Variants in PGBD5 observed in about 807,000 individuals in gnomAD.
PGBD5 encodes the protein piggyBac transposable element derived 5, also known as piggyBac transposable element-derived protein 5.
PGBD5 carries 14 observed loss-of-function variants against 47.9 expected under a neutral mutation model. The ratio of observed to expected loss-of-function variants is 0.29; its 90% CI spans 0.19 to 0.46. PGBD5 has a LOEUF of 0.46. PGBD5 is among the 20% of genes least tolerant of loss of function. The probability of loss-of-function intolerance (pLI) is 1.00; values close to 1 mark genes in which losing one functional copy is unlikely to be tolerated. For synonymous variants in PGBD5, 316 were observed against 306.3 expected (o/e 1.03, Z -0.33); for missense variants, 635 against 716.0 (o/e 0.89, Z 1.29).
Position 230,357,644 on chromosome 1 carries a change from C to T in PGBD5, c.332-323G>A, listed in dbSNP as rs1000167258. Among the ~76,000 whole-genome samples, 4 of 152,164 alleles carry T rather than the reference C, an allele frequency of 2.6e-5. No homozygotes were observed. The highest frequency in any genetic ancestry group is 9.7e-5 in the African/African-American group (4 of 41,436). On this transcript the variant is annotated intron_variant, in intron 1 of 6. Transcript: ENST00000391860. The surrounding 1 kb of genome is among the most constrained non-coding windows in gnomAD (Gnocchi z 5.7). ...TGCAGCCTGCATCTCCACACCAGAC[C>T]GGAGGACAGCCCTCGGGGGGCGCAG...
intron 4 of PGBD5, among the ~76,000 whole-genome samples, chr1:230,333,761 G>A (rs1667259376): frequency 6.6e-6 from 1 of 152,234 alleles, no homozygotes; most frequent in Non-Finnish European, 1.5e-5. Context: ...GAGGGAGAAG[G>A]AGCTTGAGCT....
intron 2 of PGBD5, among the ~76,000 whole-genome samples, chr1:230,351,597 G>A (rs1384289430): frequency 2.6e-5 from 4 of 152,046 alleles, no homozygotes; most frequent in African/African-American, 9.7e-5. Context: ...TGTCCAGTGA[G>A]AAACAAAGAA....
chr1:230,326,602 G>A (rs1352940342), intron 5 of PGBD5, among the ~76,000 whole-genome samples: 1 of 152,092 alleles, frequency 6.6e-6, no homozygotes, highest in Non-Finnish European at 1.5e-5. Context: ...GGGATCACAG[G>A]TACATGCCAC....
rs1667661823 is a variant in PGBD5 at position 230,357,167 on chromosome 1, C to T, written c.486G>A (p.Val162=). The T allele has an allele frequency of 6.2e-7, 1 of 1,614,180 alleles. No individual in the cohort carries two copies. Among genetic ancestry groups the T allele is most frequent in the Non-Finnish European group, 8.5e-7 (1 of 1,180,028 alleles). Residue 162 remains valine, a synonymous_variant, in exon 2 of 7, where the codon GTG becomes GTA. Transcript: ENST00000391860. The surrounding 1 kb of genome is among the most constrained non-coding windows in gnomAD (Gnocchi z 5.7). ...GGAACGCCTTCATCTCCGTCAGCGT[C>T]ACCTCCACCCAGGCTCCGTCGCTCC... ...RFGSDGAWVE[V]TLTEMKAFLG... is the part of the protein sequence containing the mutation.
chr1:230,361,371 C>T (rs986030108), intron 1 of PGBD5, among the ~76,000 whole-genome samples: 1 of 152,024 alleles, frequency 6.6e-6, no homozygotes, highest in Non-Finnish European at 1.5e-5. Context: ...CTTGGGTGTG[C>T]CTCGGTGTCT....
chr1:230,356,314 G>A (rs539593012), intron 2 of PGBD5, among the ~76,000 whole-genome samples: 2 of 152,146 alleles, frequency 1.3e-5, no homozygotes, highest in Admixed American at 6.5e-5. Flanking sequence ...GAAGGGGCTC[G>A]GGAGCTGAGA....
chr1:230,425,519 C>CACAA lies in PGBD5; in HGVS notation c.331+78_331+79insTTGT. ...AGCCAGCCCACGGAGAGTCTGGACT[C>CACAA]GCCCGCCCCAGCACCCACGCCTCCC... On this transcript the variant is annotated intron_variant, in intron 1 of 6. Transcript: ENST00000391860. This position sits in a 1 kb window ranked among gnomAD's most constrained non-coding sequence, Gnocchi z 4.7. The CACAA allele has an allele frequency of 9.3e-7, 1 of 1,080,228 alleles. No individual in the cohort carries two copies. The highest frequency in any genetic ancestry group is 1.2e-6 in the Non-Finnish European group (1 of 856,936). 66.9% of individuals were successfully genotyped at this position (1,080,228 alleles called of 1,614,324 possible). A position where few individuals can be genotyped will look rare whatever the true frequency, so the allele number is the denominator to read the frequency against.
intron 1 of PGBD5, among the ~76,000 whole-genome samples, chr1:230,404,623 A>ATATATAT (rs1553290456): frequency 1.5e-5 from 2 of 130,916 alleles, no homozygotes; most frequent in African/African-American, 5.8e-5. Flanking sequence ...AAAAAAAAAA[A>ATATATAT]AAAAAAATAT....
rs140912955 is a variant in PGBD5 at position 230,356,718 on chromosome 1, C to T, written c.759+176G>A. Among the ~76,000 whole-genome samples the T allele has an allele frequency of 4.4e-4, 67 of 152,278 alleles. 1 individual carries two copies. In the East Asian group the frequency reaches 0.011, roughly 24 times the overall value. ...TGGAGCTATTATTATTACTCCCCTC[C>T]GATCTCATTTGGATTATGTGGATTA... On this transcript the variant is annotated intron_variant, in intron 2 of 6. Coordinates refer to ENST00000391860, the MANE Select transcript of PGBD5 (RefSeq NM_001258311.2).
chr1:230,329,813 C>T lies in PGBD5; in HGVS notation c.1273+3031G>A, dbSNP rs567204183. Among the ~76,000 whole-genome samples, 137 of 152,292 alleles carry T rather than the reference C, an allele frequency of 9.0e-4. 1 individual carries two copies. Among genetic ancestry groups the T allele is most frequent in the African/African-American group, 3.1e-3 (129 of 41,566 alleles). On this transcript the variant is annotated intron_variant, in intron 5 of 6. Coordinates refer to ENST00000391860, the MANE Select transcript of PGBD5 (RefSeq NM_001258311.2). ...TAGTAGAGGCCCACTTGATGCCATG[C>T]GTCAAAATAAATTTGAAGTGGATTA...
rs1666930780 is a variant in PGBD5, at chr1:230,315,908, ATG to A, written c.*7515_*7516del. 2 of 150,180 alleles carry A rather than the reference ATG, an allele frequency of 1.3e-5. No individual in the cohort carries two copies. Among genetic ancestry groups the A allele is most frequent in the Non-Finnish European group, 3.0e-5 (2 of 67,538 alleles). The allele number at this position is 150,180 out of a possible 1,614,324, so 9.3% of individuals were successfully genotyped here. A position where few individuals can be genotyped will look rare whatever the true frequency, so the allele number is the denominator to read the frequency against. On this transcript the variant is annotated 3_prime_UTR_variant, in exon 7 of 7. Coordinates refer to ENST00000391860, the MANE Select transcript of PGBD5 (RefSeq NM_001258311.2). ...CATACATATTTATGTGTACACATAT[ATG>A]TATATGTGTATATGTGTACACATAT...
intron 1 of PGBD5, among the ~76,000 whole-genome samples, chr1:230,419,678 C>T (rs1352657263): frequency 6.6e-6 from 1 of 152,226 alleles, no homozygotes; most frequent in African/African-American, 2.4e-5. Flanking sequence ...TTCTAATGGA[C>T]TCTCTGGGGT....
In PGBD5 at chr1:230,357,317, G is replaced by T. The variant is rs1209050195; in HGVS notation, c.336C>A (p.Pro112=). The T allele has an allele frequency of 6.2e-7, 1 of 1,612,858 alleles. No individual in the cohort carries two copies. Among genetic ancestry groups the T allele is most frequent in the Non-Finnish European group, 8.5e-7 (1 of 1,179,226 alleles). The part of the protein sequence containing the change: ...PPPRFEDTGG[P]TRKMPPSASA... ...TGGCGCTGGGGGGCATCTTTCGGGT[G>T]GGACCTGAAACCCAAAGACAGGTGG... Residue 112 remains proline, a synonymous_variant, in exon 2 of 7, where the codon CCC becomes CCA. Transcript: ENST00000391860. The surrounding 1 kb of genome is among the most constrained non-coding windows in gnomAD (Gnocchi z 5.7).
At chr1:230,383,238 T>TA (rs201185270) in intron 1 of PGBD5, among the ~76,000 whole-genome samples, 2 of 152,018 alleles carry the variant, frequency 1.3e-5, no homozygotes, top group East Asian at 1.9e-4. Flanking sequence ...CCCAGCTAAT[T>TA]AAAAAAATTT....
At chr1:230,399,406 G>A (rs910578554) in intron 1 of PGBD5, among the ~76,000 whole-genome samples, 4 of 152,176 alleles carry the variant, frequency 2.6e-5, no homozygotes, top group Non-Finnish European at 4.4e-5. Flanking sequence ...GGCCAGGGAT[G>A]CCCTGGAGAG....
At chr1:230,386,435 C>T (rs1272981998) in intron 1 of PGBD5, among the ~76,000 whole-genome samples, 1 of 152,166 alleles carries the variant, frequency 6.6e-6, no homozygotes, top group Non-Finnish European at 1.5e-5. Flanking sequence ...GTCTCTGCCT[C>T]TCTGTCTGGT....
At chr1:230,424,906 A>G (rs564870851) in intron 1 of PGBD5, among the ~76,000 whole-genome samples, 1 of 152,342 alleles carries the variant, frequency 6.6e-6, no homozygotes, top group East Asian at 1.9e-4. Flanking sequence ...TTCTCCAGGT[A>G]TTCGGGGCTT....
At chr1:230,412,520 C>G (rs994590942) in intron 1 of PGBD5, among the ~76,000 whole-genome samples, 5 of 151,694 alleles carry the variant, frequency 3.3e-5, no homozygotes, top group Non-Finnish European at 7.4e-5. Flanking sequence ...TCCCGAGTAG[C>G]TGGGACTACA....
chr1:230,384,835 GTGCTTAACCCAT>G (rs1186016351), intron 1 of PGBD5, among the ~76,000 whole-genome samples: 2 of 152,156 alleles, frequency 1.3e-5, no homozygotes, highest in African/African-American at 4.8e-5. Context: ...CCTTTTAGTA[GTGCTTAACCCAT>G]TGCTCTAAAA....
Sources: allele counts gnomAD v4.1 joint callset (sites outside exome capture counted in the v4.1 genomes callset), GRCh38; gene constraint gnomAD v4.1.1; non-coding constraint Gnocchi (gnomAD v3.1); transcripts MANE v1.5; gene names NCBI Gene and HGNC (gene_info 2026-07-23, HGNC 2026-07-21).